Variants in PAPPA observed in about 807,000 individuals in gnomAD.
The protein encoded by PAPPA is pappalysin 1.
PAPPA carries 60 observed loss-of-function variants against 164.0 expected under a neutral mutation model. The ratio of observed to expected loss-of-function variants is 0.37; its 90% CI spans 0.30 to 0.45. The LOEUF (loss-of-function observed/expected upper bound fraction) is 0.45. Ranked by LOEUF, PAPPA falls within the 20% of genes least tolerant of loss-of-function variation. The pLI is 1.00. For missense variants in PAPPA, 1,782 were observed against 2,087.3 expected, an observed-to-expected ratio of 0.85 and a Z score of 2.85; for synonymous variants, 875 against 814.1, an observed-to-expected ratio of 1.07 and a Z score of -1.27.
chr9:116,217,657 A>G (rs1186684488), intron 4 of PAPPA, among the ~76,000 whole-genome samples: 1 of 152,042 alleles, frequency 6.6e-6, no homozygotes, highest in East Asian at 1.9e-4. Context: ...AAGCATACAC[A>G]CACACACCAC....
At chr9:116,329,145 G>C (rs1353201606) in intron 10 of PAPPA, among the ~76,000 whole-genome samples, 1 of 152,100 alleles carries the variant, frequency 6.6e-6, no homozygotes, top group Non-Finnish European at 1.5e-5. Flanking sequence ...ATTTATAGAT[G>C]GGATTCCCAG....
rs537617019 is a variant in PAPPA, at chr9:116,252,881, C to A, written c.2733-12976C>A. On this transcript the variant is annotated intron_variant, in intron 7 of 21. Transcript: ENST00000328252. ...ACCTCTGTCTTGTTTTATGCTGTTT[C>A]TACTGCTCAGAGCACTATACTTATC... Among the ~76,000 whole-genome samples the A allele has an allele frequency of 2.0e-5, 3 of 152,304 alleles. No individual in the cohort carries two copies. The East Asian group carries it at 5.8e-4, about 29-fold the overall frequency.
chr9:116,217,223 C>G (rs981896798), intron 4 of PAPPA, among the ~76,000 whole-genome samples: 9 of 152,250 alleles, frequency 5.9e-5, no homozygotes, highest in Admixed American at 3.3e-4. Context: ...AGGAAAAAAC[C>G]TACTGTTTTT....
chr9:116,227,058 T>A (rs1488473175), intron 5 of PAPPA, among the ~76,000 whole-genome samples: 1 of 152,176 alleles, frequency 6.6e-6, no homozygotes, highest in Non-Finnish European at 1.5e-5. Flanking sequence ...GGAGTAAACT[T>A]TGAGAACGAA....
At chr9:116,303,026 C>G in intron 10 of PAPPA, 76 bp downstream of exon 10, 1 of 1,268,184 alleles carries the variant, frequency 7.9e-7, no homozygotes, top group South Asian at 1.3e-5. Flanking sequence ...CTACTCACCT[C>G]TAAGGCAGTG....
chr9:116,227,385 A>G, intron 5 of PAPPA, 46 bp from the exon 6 acceptor site: 1 of 1,610,522 alleles, frequency 6.2e-7, no homozygotes, highest in Non-Finnish European at 8.5e-7. Flanking sequence ...TGCTCATTCA[A>G]CTGTTCCTAA....
chr9:116,342,907 T>C (rs1173858657), intron 13 of PAPPA, among the ~76,000 whole-genome samples: 3 of 152,186 alleles, frequency 2.0e-5, no homozygotes, highest in Admixed American at 2.0e-4. Flanking sequence ...TTAAGAGCTA[T>C]TGCAAGGCAT....
chr9:116,292,010 G>C (rs1054046970), intron 9 of PAPPA, among the ~76,000 whole-genome samples: 1 of 152,146 alleles, frequency 6.6e-6, no homozygotes, highest in Admixed American at 6.6e-5. Context: ...CCAAGAAAGA[G>C]ATATTCCAGA....
At chr9:116,156,535 G>A (rs539043942) in intron 1 of PAPPA, among the ~76,000 whole-genome samples, 4 of 151,810 alleles carry the variant, frequency 2.6e-5, no homozygotes, top group Non-Finnish European at 2.9e-5. Flanking sequence ...TGTATAAAAT[G>A]CCTGGTCCAT....
At position 116,398,859 on chromosome 9, in the gene PAPPA, G is replaced by T. The variant is rs931982815; in HGVS notation, c.*2243G>T. ...GCAAGAAATAAGAATAGTATTAGAA[G>T]AATTGATCCTATTTTGAACCCCTCT... On this transcript the variant is annotated 3_prime_UTR_variant, in exon 22 of 22. Coordinates refer to ENST00000328252, the MANE Select transcript of PAPPA (RefSeq NM_002581.5). The T allele has an allele frequency of 8.2e-6, 3 of 366,406 alleles. No homozygotes were observed. The highest frequency in any genetic ancestry group is 4.3e-5 in the African/African-American group (2 of 46,944). 22.7% of individuals were successfully genotyped at this position (366,406 alleles called of 1,614,324 possible). A position where few individuals can be genotyped will look rare whatever the true frequency, so the allele number is the denominator to read the frequency against.
chr9:116,332,268 T>C (rs1846002651), intron 11 of PAPPA, 65 bp from the exon 12 acceptor site: 1 of 1,471,816 alleles, frequency 6.8e-7, no homozygotes, highest in South Asian at 1.2e-5. Context: ...TGCACCCCAA[T>C]GTGGCTGCCT....
rs868413639 is a variant in PAPPA, at chr9:116,254,807, G to A, written c.2733-11050G>A. ...AAAAAAAAAAAAAAAAAAAAAGAGA[G>A]AAAGAAAGACACTGAAAGGATCCTG... On this transcript the variant is annotated intron_variant, in intron 7 of 21. Transcript: ENST00000328252. Among the ~76,000 whole-genome samples, 113 of 147,704 alleles carry A rather than the reference G, an allele frequency of 7.7e-4. 5 individuals are homozygous for A. The South Asian group carries it at 0.022, about 29-fold the overall frequency.
rs546313955 is a variant in PAPPA at position 116,187,177 on chromosome 9, A to G, written c.439A>G (p.Ile147Val). The change falls in exon 2 of 22, where the codon ATC (isoleucine) becomes GTC (valine). Residue 147 changes from isoleucine (I) to valine (V), a missense_variant. Physicochemically the swap from Ile to Val is conservative, Grantham distance 29. Transcript: ENST00000328252. This position sits in a 1 kb window ranked among gnomAD's most constrained non-coding sequence, Gnocchi z 4.2. ...ITGLYDKCSY[I>V]SRDRGWVVGI... is the part of the protein sequence containing the mutation. ...AGGGCTGTATGACAAATGTTCTTATATCTCACGTGACCGAGGATGGGTCGT... is the reference window on the plus strand; with the variant it reads ...AGGGCTGTATGACAAATGTTCTTATGTCTCACGTGACCGAGGATGGGTCGT... 3 of 1,613,904 alleles carry G rather than the reference A, an allele frequency of 1.9e-6. No homozygotes were observed. The highest frequency in any genetic ancestry group is 3.3e-5 in the Admixed American group (2 of 60,028).
chr9:116,305,551 TAGAAG>T (rs1239090969), intron 10 of PAPPA, among the ~76,000 whole-genome samples: 1 of 152,028 alleles, frequency 6.6e-6, no homozygotes, highest in East Asian at 1.9e-4. Flanking sequence ...CCAAAGCAGA[TAGAAG>T]AGAATAGCAG....
chr9:116,236,167 G>A (rs912073303), intron 7 of PAPPA, among the ~76,000 whole-genome samples: 2 of 152,120 alleles, frequency 1.3e-5, no homozygotes, highest in African/African-American at 4.8e-5. Flanking sequence ...ACTTGTTTTT[G>A]TCTTATTTCC....
At chr9:116,383,142 G>C (rs1588029550) in intron 21 of PAPPA, among the ~76,000 whole-genome samples, 1 of 152,064 alleles carries the variant, frequency 6.6e-6, no homozygotes, top group Non-Finnish European at 1.5e-5. Flanking sequence ...AAAAACATTC[G>C]ATAGATGCAC....
At chr9:116,209,800 T>C (rs958143833) in intron 3 of PAPPA, among the ~76,000 whole-genome samples, 2 of 152,186 alleles carry the variant, frequency 1.3e-5, no homozygotes, top group African/African-American at 4.8e-5. Flanking sequence ...CAGAGAATCA[T>C]TGGCATTATT....
In PAPPA at chr9:116,398,999, C is replaced by T. The variant is rs924807939; in HGVS notation, c.*2383C>T. On this transcript the variant is annotated 3_prime_UTR_variant, in exon 22 of 22. Transcript: ENST00000328252. ...AAGCTAAGAAATGTAACAGTATCAA[C>T]CCTCCCAGTTGCTTAATTATACCCA... is the stretch of plus-strand genomic sequence containing the variant. 1.3e-5 allele frequency: 3 copies of T among 234,188 alleles called. No individual in the cohort carries two copies. The highest frequency in any genetic ancestry group is 5.4e-5 in the Admixed American group (1 of 18,608). 14.5% of individuals were successfully genotyped at this position (234,188 alleles called of 1,614,324 possible).
At chr9:116,314,350 T>A (rs1845761221) in intron 10 of PAPPA, among the ~76,000 whole-genome samples, 3 of 152,126 alleles carry the variant, frequency 2.0e-5, no homozygotes, top group Admixed American at 2.0e-4. Flanking sequence ...ATTACAGGTG[T>A]GAGCCACCAC....
Sources: gnomAD v4.1 joint callset for allele counts (sites outside exome capture counted in the v4.1 genomes callset) on GRCh38, gnomAD v4.1.1 for gene constraint, Gnocchi (gnomAD v3.1) non-coding constraint, MANE v1.5 for transcripts, NCBI Gene and HGNC (gene_info 2026-07-23, HGNC 2026-07-21) for gene names.